Variants in TNNI3K observed in about 807,000 individuals in gnomAD.
TNNI3K encodes serine/threonine-protein kinase TNNI3K.
TNNI3K carries 140 observed loss-of-function variants against 114.5 expected under a neutral mutation model. The ratio of observed to expected loss-of-function variants is 1.22; its 90% CI spans 1.07 to 1.41. TNNI3K has a LOEUF of 1.41. Among genes scored for constraint, TNNI3K ranks in the 40% most tolerant of loss-of-function variants. The probability of loss-of-function intolerance (pLI) is 0.00; values close to 1 mark genes in which losing one functional copy is unlikely to be tolerated. For synonymous variants in TNNI3K, 347 were observed against 347.5 expected, an observed-to-expected ratio of 1.00 and a Z score of 0.02; for missense variants, 1,125 against 1,007.6, an observed-to-expected ratio of 1.12 and a Z score of -1.58.
At chr1:74,399,940 GCAAA>G (rs1193615371) in intron 17 of TNNI3K, among the ~76,000 whole-genome samples, 13 of 152,182 alleles carry the variant, frequency 8.5e-5, no homozygotes, top group African/African-American at 7.2e-5. Flanking sequence ...GATGTCACAA[GCAAA>G]CAAATATCTA....
Position 74,353,779 on chromosome 1 carries a change from G to A in TNNI3K, c.1028-201G>A, listed in dbSNP as rs1000249991. Reference sequence around the variant, plus strand: ...GAGGAAAAGACAGTCTCTGTAGAAGGTTGAGTACAATATAATACCCGTTTT... The same window carrying A: ...GAGGAAAAGACAGTCTCTGTAGAAGATTGAGTACAATATAATACCCGTTTT... On this transcript the variant is annotated intron_variant, in intron 10 of 24. Coordinates refer to ENST00000326637, the MANE Select transcript of TNNI3K (RefSeq NM_015978.3). Among the ~76,000 whole-genome samples the A allele has an allele frequency of 2.6e-5, 4 of 152,144 alleles. No homozygotes were observed. In the South Asian group the frequency reaches 6.2e-4, roughly 24 times the overall value.
intron 17 of TNNI3K, chr1:74,372,304 C>T (rs1376710588): frequency 6.6e-6 from 1 of 151,676 alleles, no homozygotes; most frequent in African/African-American, 2.4e-5. Context: ...GTCCCATGCT[C>T]ATGTCTCTCT....
At chr1:74,369,323 T>A (rs1414804926) in intron 15 of TNNI3K, 59 bp downstream of exon 15, 1 of 1,605,558 alleles carries the variant, frequency 6.2e-7, no homozygotes, top group Non-Finnish European at 8.5e-7. Flanking sequence ...TTGAGAAGCA[T>A]GTGCATGGCA....
intron 17 of TNNI3K, among the ~76,000 whole-genome samples, chr1:74,390,296 A>G (rs760922837): frequency 2.0e-5 from 3 of 152,160 alleles, no homozygotes; most frequent in Non-Finnish European, 4.4e-5. Context: ...CCTGAAAATT[A>G]ATTAGACTTA....
At chr1:74,379,745 T>A (rs375557209) in intron 17 of TNNI3K, among the ~76,000 whole-genome samples, 31 of 152,110 alleles carry the variant, frequency 2.0e-4, no homozygotes, top group African/African-American at 7.5e-4. Flanking sequence ...GGGCCAACTG[T>A]GTCCCAAACA....
intron 20 of TNNI3K, among the ~76,000 whole-genome samples, chr1:74,445,258 T>C (rs1666587195): frequency 6.7e-6 from 1 of 149,884 alleles, no homozygotes; most frequent in Admixed American, 6.7e-5. Context: ...TTAGGGTACA[T>C]GTGCACATTG....
rs1557439837 is a variant in TNNI3K, at chr1:74,236,219, GTAAGAGTCA to G, written c.149+11_149+19del. 1 of 1,596,104 alleles carries G rather than the reference GTAAGAGTCA, an allele frequency of 6.3e-7. No homozygotes were observed. Among genetic ancestry groups the G allele is most frequent in the South Asian group, 1.1e-5 (1 of 89,204 alleles). On this transcript the variant is annotated intron_variant, in intron 2 of 24. Coordinates refer to ENST00000326637, the MANE Select transcript of TNNI3K (RefSeq NM_015978.3). ...CTAAGGAATATATTTGGGTAAAGTT[GTAAGAGTCA>G]TTATTTCTTTGTATAAGTGTCTTCA...
chr1:74,298,502 A>G lies in TNNI3K; in HGVS notation c.444+26794A>G, dbSNP rs1224830055. ...TTATCATGATATAAAAATTACACTG[A>G]TCTTTTGGTCACTCAAATTTGAGAG... On this transcript the variant is annotated intron_variant, in intron 5 of 24. Coordinates refer to ENST00000326637, the MANE Select transcript of TNNI3K (RefSeq NM_015978.3). Among the ~76,000 whole-genome samples, 3 of 152,286 alleles carry G rather than the reference A, an allele frequency of 2.0e-5. No individual in the cohort carries two copies. In the East Asian group the frequency reaches 5.8e-4, roughly 29 times the overall value.
intron 5 of TNNI3K, among the ~76,000 whole-genome samples, chr1:74,309,791 C>A (rs997862288): frequency 6.6e-6 from 1 of 152,086 alleles, no homozygotes; most frequent in Non-Finnish European, 1.5e-5. Flanking sequence ...ACAAATGAGG[C>A]ATTGAAGAAA....
intron 17 of TNNI3K, among the ~76,000 whole-genome samples, chr1:74,410,179 A>G (rs1021591682): frequency 6.6e-6 from 1 of 152,214 alleles, no homozygotes; most frequent in Non-Finnish European, 1.5e-5. Context: ...CAGGCTGTTA[A>G]CCACATCAAT....
chr1:74,451,978 C>G (rs1186645820), intron 20 of TNNI3K, among the ~76,000 whole-genome samples: 1 of 151,818 alleles, frequency 6.6e-6, no homozygotes, highest in Non-Finnish European at 1.5e-5. Flanking sequence ...TCTCCAATCT[C>G]TAAACATCCA....
At chr1:74,352,522 G>A (rs921360651) in intron 9 of TNNI3K, among the ~76,000 whole-genome samples, 1 of 152,230 alleles carries the variant, frequency 6.6e-6, no homozygotes, top group South Asian at 2.1e-4. Flanking sequence ...TAAGTCTACA[G>A]AGGTTATTGC....
intron 12 of TNNI3K, 85 bp from the exon 13 acceptor site, chr1:74,367,823 C>A: frequency 7.6e-7 from 1 of 1,313,380 alleles, no homozygotes; most frequent in Non-Finnish European, 1.0e-6. Context: ...TTCGTTTCGT[C>A]ACCTGCTTAT....
In TNNI3K at chr1:74,342,890, G is replaced by T. The variant is rs779542189; in HGVS notation, c.731G>T (p.Arg244Leu). ...CATGTCCCACTCCATTTCTGTTCTC[G>T]ATTTGGACACCATGATATAGTTAAG... ...EDHVPLHFCS[R>L]FGHHDIVKYL... The change falls in exon 8 of 25, where the codon CGA becomes CTA. Residue 244 changes from arginine (R) to leucine (L), a missense_variant. Transcript: ENST00000326637. 8.7e-6 allele frequency: 14 copies of T among 1,613,626 alleles called. No individual in the cohort carries two copies. The highest frequency in any genetic ancestry group is 1.7e-5 in the Admixed American group (1 of 59,890).
At chr1:74,405,711 TAGAA>T (rs1214606546) in intron 17 of TNNI3K, among the ~76,000 whole-genome samples, 1 of 152,048 alleles carries the variant, frequency 6.6e-6, no homozygotes, top group African/African-American at 2.4e-5. Context: ...GTTCTAGAAA[TAGAA>T]AGAAATAAAC....
intron 21 of TNNI3K, chr1:74,483,374 A>G: frequency 1.4e-6 from 1 of 717,210 alleles, no homozygotes; most frequent in Non-Finnish European, 2.6e-6. Flanking sequence ...CCAGCCATCC[A>G]CCTGAAAGGA....
At chr1:74,388,703 CG>C (rs1351441532) in intron 17 of TNNI3K, among the ~76,000 whole-genome samples, 1 of 152,064 alleles carries the variant, frequency 6.6e-6, no homozygotes, top group Non-Finnish European at 1.5e-5. Context: ...ACAAGGAAAA[CG>C]GTTCTCATAT....
chr1:74,271,496 C>A, intron 4 of TNNI3K, 102 bp from the exon 5 acceptor site: 1 of 1,069,446 alleles, frequency 9.4e-7, no homozygotes, highest in Non-Finnish European at 1.3e-6. Flanking sequence ...TTCCTTTGAG[C>A]ACCTGAACTG....
At chr1:74,438,324 A>G (rs1471133401) in intron 19 of TNNI3K, among the ~76,000 whole-genome samples, 1 of 152,024 alleles carries the variant, frequency 6.6e-6, no homozygotes, top group Non-Finnish European at 1.5e-5. Context: ...TGAGCACCAT[A>G]ATAAGAATAA....
Sources: gnomAD v4.1 joint callset for allele counts (sites outside exome capture counted in the v4.1 genomes callset) on GRCh38, gnomAD v4.1.1 for gene constraint, MANE v1.5 for transcripts, NCBI Gene and HGNC (gene_info 2026-07-23, HGNC 2026-07-21) for gene names.